RABGAP1L: variants seen among roughly 807,000 people sequenced by gnomAD.
The protein encoded by RABGAP1L is RAB GTPase activating protein 1 like, also known as rab GTPase-activating protein 1-like.
RABGAP1L carries 63 observed loss-of-function variants against 137.7 expected under a neutral mutation model. The ratio of observed to expected loss-of-function variants is 0.46; its 90% CI spans 0.37 to 0.56. The LOEUF (loss-of-function observed/expected upper bound fraction) is 0.56. RABGAP1L is among the 20% of genes least tolerant of loss of function. The pLI, the probability that RABGAP1L is intolerant of heterozygous loss-of-function variation, is 0.00. For missense variants in RABGAP1L, 1,095 were observed against 1,244.0 expected (o/e 0.88, Z 1.80); for synonymous variants, 431 against 433.7 (o/e 0.99, Z 0.08).
At chr1:174,585,200 AT>A (rs1286536172) in intron 13 of RABGAP1L, among the ~76,000 whole-genome samples, 1 of 152,022 alleles carries the variant, frequency 6.6e-6, no homozygotes, top group Non-Finnish European at 1.5e-5. Context: ...TAAATTATAT[AT>A]TTGTCTTGCA....
chr1:174,737,558 T>C (rs1683060150), intron 17 of RABGAP1L, among the ~76,000 whole-genome samples: 1 of 151,888 alleles, frequency 6.6e-6, no homozygotes, highest in Admixed American at 6.6e-5. Context: ...CTCCAAACTC[T>C]TCCAACCTCT....
At chr1:174,456,378 C>T (rs1302209340) in intron 13 of RABGAP1L, among the ~76,000 whole-genome samples, 5 of 152,074 alleles carry the variant, frequency 3.3e-5, no homozygotes, top group East Asian at 1.9e-4. Context: ...ATCAAAATCA[C>T]GTTATATTCA....
intron 13 of RABGAP1L, among the ~76,000 whole-genome samples, chr1:174,556,525 T>C (rs1303777811): frequency 6.6e-6 from 1 of 152,136 alleles, no homozygotes; most frequent in East Asian, 1.9e-4. Flanking sequence ...CTCTTCTCTT[T>C]TATCAAATGG....
At chr1:174,960,171 G>A (rs889938177) in intron 20 of RABGAP1L, among the ~76,000 whole-genome samples, 2 of 152,112 alleles carry the variant, frequency 1.3e-5, no homozygotes, top group Non-Finnish European at 2.9e-5. Context: ...GAGTTAGAAG[G>A]TTGTGGGAAA....
chr1:174,773,774 T>C (rs994353762), intron 18 of RABGAP1L, among the ~76,000 whole-genome samples: 2 of 152,228 alleles, frequency 1.3e-5, no homozygotes, highest in Non-Finnish European at 2.9e-5. Flanking sequence ...TTTCCACTTA[T>C]TCTGTCATAA....
intron 19 of RABGAP1L, among the ~76,000 whole-genome samples, chr1:174,888,424 G>A (rs1421421458): frequency 6.6e-6 from 1 of 152,142 alleles, no homozygotes; most frequent in African/African-American, 2.4e-5. Context: ...TTTCCTTACA[G>A]TGGGCTAGGA....
intron 24 of RABGAP1L, among the ~76,000 whole-genome samples, chr1:174,984,799 T>A (rs1407006232): frequency 6.6e-6 from 1 of 152,068 alleles, no homozygotes; most frequent in East Asian, 1.9e-4. Context: ...ACAATCAGCA[T>A]TGTAGAGAAA....
chr1:174,910,431 A>G (rs1659870853), intron 19 of RABGAP1L, among the ~76,000 whole-genome samples: 2 of 152,206 alleles, frequency 1.3e-5, no homozygotes, highest in African/African-American at 4.8e-5. Flanking sequence ...AAAGACCATA[A>G]ATGACAAACC....
At chr1:174,973,008 G>A (rs867020175) in intron 21 of RABGAP1L, among the ~76,000 whole-genome samples, 66 of 152,224 alleles carry the variant, frequency 4.3e-4, no homozygotes, top group African/African-American at 1.6e-3. Context: ...CTTAAGTGAG[G>A]TATAGTGGTT....
At chr1:174,526,437 G>T (rs1040239979) in intron 13 of RABGAP1L, among the ~76,000 whole-genome samples, 1 of 151,992 alleles carries the variant, frequency 6.6e-6, no homozygotes, top group Non-Finnish European at 1.5e-5. Flanking sequence ...TTGTGTGTTC[G>T]GTAGAACTCA....
At chr1:174,784,152 T>C (rs1286086701) in intron 18 of RABGAP1L, among the ~76,000 whole-genome samples, 1 of 150,580 alleles carries the variant, frequency 6.6e-6, no homozygotes, top group Non-Finnish European at 1.5e-5. Flanking sequence ...CCCGAGTAGC[T>C]GGGACTACAG....
intron 19 of RABGAP1L, among the ~76,000 whole-genome samples, chr1:174,905,998 A>G (rs1226000864): frequency 6.6e-6 from 1 of 152,184 alleles, no homozygotes; most frequent in African/African-American, 2.4e-5. Context: ...GGAGCTAAGC[A>G]GAACAAGGAA....
chr1:174,449,130 T>G (rs1655138516), intron 13 of RABGAP1L: 1 of 1,612,540 alleles, frequency 6.2e-7, no homozygotes, highest in Admixed American at 1.7e-5. Context: ...ACATCCTGTA[T>G]GTGTGTGAAG....
chr1:174,549,057 G>T (rs989645485), intron 13 of RABGAP1L, among the ~76,000 whole-genome samples: 1 of 152,042 alleles, frequency 6.6e-6, no homozygotes, highest in Non-Finnish European at 1.5e-5. Flanking sequence ...CATGAACTTG[G>T]GTCCTGTGTG....
intron 11 of RABGAP1L, among the ~76,000 whole-genome samples, chr1:174,349,578 A>G (rs1398212404): frequency 3.6e-5 from 4 of 110,084 alleles, no homozygotes; most frequent in Admixed American, 9.1e-5. Flanking sequence ...CTGGCCGGGC[A>G]GGGGGGCTGA....
At chr1:174,176,112 C>T (rs1665827882) in intron 1 of RABGAP1L, among the ~76,000 whole-genome samples, 1 of 151,878 alleles carries the variant, frequency 6.6e-6, no homozygotes, top group Admixed American at 6.6e-5. Context: ...AAAAGCTGGC[C>T]TCATATGTAG....
At chr1:174,585,435 C>G (rs1208115937) in intron 13 of RABGAP1L, among the ~76,000 whole-genome samples, 1 of 152,112 alleles carries the variant, frequency 6.6e-6, no homozygotes, top group Non-Finnish European at 1.5e-5. Flanking sequence ...AAAAATAAAT[C>G]AAGTTTTCCC....
At chr1:174,327,984 CACATATATATATATATATATAT>C (rs1680634072) in intron 11 of RABGAP1L, among the ~76,000 whole-genome samples, 2 of 37,876 alleles carry the variant, frequency 5.3e-5, no homozygotes, top group East Asian at 1.2e-3. Context: ...TATATACACA[CACATATATATATATATATATAT>C]ATATATATAT....
At chr1:174,756,846 A>G in intron 18 of RABGAP1L, 2 of 594,050 alleles carry the variant, frequency 3.4e-6, no homozygotes, top group Non-Finnish European at 6.3e-6. Flanking sequence ...CTTCCCAGAA[A>G]GCATCACAAG....
Sources: gnomAD v4.1 joint callset for allele counts (sites outside exome capture counted in the v4.1 genomes callset) on GRCh38, gnomAD v4.1.1 for gene constraint, MANE v1.5 for transcripts, NCBI Gene and HGNC (gene_info 2026-07-23, HGNC 2026-07-21) for gene names.